Variants in SACS observed in about 807,000 individuals in gnomAD.
SACS encodes the protein sacsin.
A neutral mutation model predicts 348.0 loss-of-function variants in SACS; 197 were observed. That is an observed-to-expected ratio of 0.57 (90% CI 0.50 to 0.64). The LOEUF (loss-of-function observed/expected upper bound fraction) is 0.64. Ranked by LOEUF, SACS falls within the 30% of genes least tolerant of loss-of-function variation. The probability of loss-of-function intolerance (pLI) is 0.00; values close to 1 mark genes in which losing one functional copy is unlikely to be tolerated. For synonymous variants in SACS, 1,985 were observed against 1,910.6 expected, an observed-to-expected ratio of 1.04 and a Z score of -1.02; for missense variants, 4,999 against 5,360.8, an observed-to-expected ratio of 0.93 and a Z score of 2.11.
chr13:23,423,751 A>G (rs1380814450), intron 1 of SACS, among the ~76,000 whole-genome samples: 1 of 151,096 alleles, frequency 6.6e-6, no homozygotes, highest in African/African-American at 2.4e-5. Flanking sequence ...TATATAAACT[A>G]TTAGGCCTAT....
intron 2 of SACS, among the ~76,000 whole-genome samples, chr13:23,405,828 C>G (rs1873180020): frequency 6.6e-6 from 1 of 151,950 alleles, no homozygotes; most frequent in African/African-American, 2.4e-5. Flanking sequence ...CAAATCAAAA[C>G]CAAAATGAGA....
At chr13:23,394,988 A>G (rs768069454) in intron 2 of SACS, among the ~76,000 whole-genome samples, 7 of 152,216 alleles carry the variant, frequency 4.6e-5, no homozygotes, top group Admixed American at 3.9e-4. Context: ...GGATCCGTTC[A>G]TGAGTCCAAC....
chr13:23,337,659 T>A lies in SACS; in HGVS notation c.6217A>T (p.Arg2073Ter), dbSNP rs756981288. The A allele has an allele frequency of 6.2e-7, 1 of 1,613,160 alleles. No homozygotes were observed. Among genetic ancestry groups the A allele is most frequent in the South Asian group, 1.1e-5 (1 of 90,920 alleles). ...PNIQEIEAEL[R>*]DPLMIFVLNE... ...AGAACAAAGATCATTAAAGGATCTC[T>A]AAGTTCTGCTTCAATTTCTTGAATA... The change falls in exon 10 of 10, where the codon AGA (arginine) becomes TGA (stop). Residue 2073 changes from arginine to a stop codon, truncating the protein, a stop_gained. Coordinates refer to ENST00000382292, the MANE Select transcript of SACS (RefSeq NM_014363.6). LOFTEE classifies it high-confidence loss of function.
chr13:23,355,417 C>A lies in SACS; in HGVS notation c.1195G>T (p.Gly399Cys). The A allele has an allele frequency of 6.2e-7, 1 of 1,614,134 alleles. No homozygotes were observed. The highest frequency in any genetic ancestry group is 8.5e-7 in the Non-Finnish European group (1 of 1,180,028). ...KTSWLVCNSV[G>C]GRGISSKLDS... ...AGCTTACTACTGATCCCTCGCCCAC[C>A]CACACTGTTACACACCAACCAAGAT... Residue 399 changes from glycine to cysteine, a missense_variant, in exon 8 of 10, where the codon GGT (glycine) becomes TGT (cysteine). Physicochemically the swap from Gly to Cys is radical, Grantham distance 159. Coordinates refer to ENST00000382292, the MANE Select transcript of SACS (RefSeq NM_014363.6).
intron 2 of SACS, among the ~76,000 whole-genome samples, chr13:23,386,842 C>T (rs1198972066): frequency 6.6e-6 from 1 of 151,970 alleles, no homozygotes; most frequent in Non-Finnish European, 1.5e-5. Flanking sequence ...ACTGTTGTGT[C>T]TTAGGGAAAA....
intron 2 of SACS, among the ~76,000 whole-genome samples, chr13:23,395,812 C>A (rs186870805): frequency 6.6e-6 from 1 of 152,130 alleles, no homozygotes; most frequent in African/African-American, 2.4e-5. Context: ...TTATACAAAC[C>A]TGTGAAATTT....
Position 23,330,469 on chromosome 13 carries a change from G to C in SACS, c.13407C>G (p.Ala4469=), listed in dbSNP as rs1199851626. ...AACATTTAAAGCACACCCACTCATTGGCATTTTTATGAAGGTCATTCCTGG... is the reference window on the plus strand; with the variant it reads ...AACATTTAAAGCACACCCACTCATTCGCATTTTTATGAAGGTCATTCCTGG... ...SAARNDLHKN[A]NEWVCFKCYL... Residue 4469 remains alanine (A), a synonymous_variant, in exon 10 of 10, where the codon GCC becomes GCG. Transcript: ENST00000382292. The C allele has an allele frequency of 2.5e-6, 4 of 1,614,158 alleles. No homozygotes were observed. The highest frequency in any genetic ancestry group is 2.5e-6 in the Non-Finnish European group (3 of 1,180,024).
At chr13:23,406,252 C>T (rs1406873161) in intron 2 of SACS, among the ~76,000 whole-genome samples, 1 of 152,078 alleles carries the variant, frequency 6.6e-6, no homozygotes, top group Non-Finnish European at 1.5e-5. Flanking sequence ...AGCTGGAAAC[C>T]ATCATTCTCA....
At chr13:23,393,720 CT>C (rs1236675933) in intron 2 of SACS, among the ~76,000 whole-genome samples, 4 of 151,910 alleles carry the variant, frequency 2.6e-5, no homozygotes, top group African/African-American at 7.2e-5. Context: ...TAAAGAGCCC[CT>C]TTTGGCCCTA....
At position 23,336,959 on chromosome 13, in the gene SACS, T is replaced by C. The variant is rs1379025830; in HGVS notation, c.6917A>G (p.Asp2306Gly). 6.8e-6 allele frequency: 11 copies of C among 1,613,860 alleles called. No individual in the cohort carries two copies. Among genetic ancestry groups the C allele is most frequent in the South Asian group, 1.1e-5 (1 of 91,076 alleles). The change falls in exon 10 of 10, where the codon GAT (aspartate) becomes GGT (glycine). Residue 2306 changes from aspartate (D) to glycine (G), a missense_variant. This residue lies in a region of SACS where 3,156 missense variants were observed against 3,380.1 expected (regional missense o/e 0.93). Transcript: ENST00000382292. ...QLKEVAKSVD[D>G]GITLYQENIT... ...ATTCTCCTGGTACAGTGTAATTCCA[T>C]CATCAACTGATTTTGCTACTTCTTT...
Position 23,336,939 on chromosome 13 carries a change from C to T in SACS, c.6937G>A (p.Glu2313Lys). 3 of 1,613,882 alleles carry T rather than the reference C, an allele frequency of 1.9e-6. No individual in the cohort carries two copies. The highest frequency in any genetic ancestry group is 2.5e-6 in the Non-Finnish European group (3 of 1,179,832). Residue 2313 changes from glutamate (E) to lysine (K), a missense_variant, in exon 10 of 10, where the codon GAG becomes AAG. Around this residue, in one of 6 missense-constraint regions of SACS, gnomAD observed 3,156 missense variants for 3,380.1 expected, o/e 0.93. Coordinates refer to ENST00000382292, the MANE Select transcript of SACS (RefSeq NM_014363.6). The stretch of plus-strand genomic sequence containing the variant: ...TTGTAGCAAGCATTGGTGATATTCT[C>T]CTGGTACAGTGTAATTCCATCATCA... ...SVDDGITLYQ[E>K]NITNACYKYL... is the part of the protein sequence containing the mutation.
Position 23,338,402 on chromosome 13 carries a change from T to C in SACS, c.5474A>G (p.Asp1825Gly). 1 of 1,614,096 alleles carries C rather than the reference T, an allele frequency of 6.2e-7. No homozygotes were observed. The highest frequency in any genetic ancestry group is 2.2e-5 in the East Asian group (1 of 44,878). The change falls in exon 10 of 10, where the codon GAC becomes GGC. Residue 1825 changes from aspartate (D) to glycine (G), a missense_variant. Around this residue, in one of 6 missense-constraint regions of SACS, gnomAD observed 3,156 missense variants for 3,380.1 expected, o/e 0.93. Transcript: ENST00000382292. Reference protein sequence around the residue: ...CTTWLLCTCMDTGEALKFSLS... With the variant: ...CTTWLLCTCMGTGEALKFSLS... ...GGAAAACTTCAGAGCCTCTCCTGTG[T>C]CCATGCAAGTACACAGAAGCCACGT...
At chr13:23,370,071 G>A (rs1871291908) in intron 4 of SACS, among the ~76,000 whole-genome samples, 1 of 151,976 alleles carries the variant, frequency 6.6e-6, no homozygotes, top group Non-Finnish European at 1.5e-5. Context: ...TGTTAGCCAG[G>A]ATGGTCTTGA....
chr13:23,338,735 A>C lies in SACS; in HGVS notation c.5141T>G (p.Ile1714Ser). ...TTTGGAAGAGCAGGATTTTTTTTTAATTATTACTGTATCTTGTGCTAAACT... is the reference window on the plus strand; with the variant it reads ...TTTGGAAGAGCAGGATTTTTTTTTACTTATTACTGTATCTTGTGCTAAACT... ...NPSLAQDTVIIKKKSCSSKAL... is the reference protein window; with the variant it reads ...NPSLAQDTVISKKKSCSSKAL... Residue 1714 changes from isoleucine to serine, a missense_variant, in exon 10 of 10, where the codon ATT becomes AGT. This residue lies in a region of SACS where 3,156 missense variants were observed against 3,380.1 expected (regional missense o/e 0.93). Transcript: ENST00000382292. 6.2e-7 allele frequency: 1 copy of C among 1,607,446 alleles called. No homozygotes were observed. The highest frequency in any genetic ancestry group is 8.5e-7 in the Non-Finnish European group (1 of 1,177,904).
At chr13:23,368,031 G>C (rs1296467107) in intron 5 of SACS, among the ~76,000 whole-genome samples, 2 of 152,176 alleles carry the variant, frequency 1.3e-5, no homozygotes, top group East Asian at 1.9e-4. Context: ...ATGCATTCAA[G>C]CCTCTAATCG....
intron 6 of SACS, among the ~76,000 whole-genome samples, chr13:23,360,869 C>T (rs1870689675): frequency 6.6e-6 from 1 of 151,414 alleles, no homozygotes; most frequent in South Asian, 2.1e-4. Flanking sequence ...ATTCTTCTGT[C>T]TCAGCCTCCC....
intron 2 of SACS, among the ~76,000 whole-genome samples, chr13:23,396,073 C>T (rs1409543271): frequency 2.0e-5 from 3 of 152,082 alleles, no homozygotes; most frequent in Non-Finnish European, 2.9e-5. Flanking sequence ...CCTGTAATCC[C>T]AGCACTTTGG....
At chr13:23,384,403 CAT>C (rs1872187604) in intron 2 of SACS, among the ~76,000 whole-genome samples, 1 of 152,234 alleles carries the variant, frequency 6.6e-6, no homozygotes, top group South Asian at 2.1e-4. Context: ...GTGATGTTCA[CAT>C]GTGTGGCTTG....
At position 23,334,387 on chromosome 13, in the gene SACS, C is replaced by CA; in HGVS notation, c.9488dup (p.Leu3163PhefsTer5). The CA allele has an allele frequency of 6.2e-7, 1 of 1,613,120 alleles. No individual in the cohort carries two copies. The highest frequency in any genetic ancestry group is 8.5e-7 in the Non-Finnish European group (1 of 1,179,650). On this transcript the variant is annotated frameshift_variant, in exon 10 of 10. Transcript: ENST00000382292. LOFTEE classifies it high-confidence loss of function. The stretch of plus-strand genomic sequence containing the variant: ...TGGGTCGTTTTGCATCAAAAGTTTG[C>CA]AAAACACTGTCCAGTGTGATGAGAA...
Sources: gnomAD v4.1 joint callset for allele counts (sites outside exome capture counted in the v4.1 genomes callset) on GRCh38, gnomAD v4.1.1 for gene constraint, gnomAD v4.1.1 regional missense constraint, MANE v1.5 for transcripts, NCBI Gene and HGNC (gene_info 2026-07-23, HGNC 2026-07-21) for gene names.